CUL3: variants seen among roughly 807,000 people sequenced by gnomAD.
CUL3 encodes cullin-3.
Under a neutral mutation model 89.1 loss-of-function variants are expected in CUL3, and 19 were observed. The ratio of observed to expected loss-of-function variants is 0.21; its 90% CI spans 0.15 to 0.31. The LOEUF (loss-of-function observed/expected upper bound fraction) is 0.31, where lower values mean the gene tolerates loss of function less well. CUL3 is among the 10% of genes least tolerant of loss of function. The probability of loss-of-function intolerance (pLI) is 1.00; values close to 1 mark genes in which losing one functional copy is unlikely to be tolerated. For missense variants in CUL3, 469 were observed against 942.3 expected (o/e 0.50, Z 6.58); for synonymous variants, 351 against 308.4 (o/e 1.14, Z -1.45).
chr2:224,515,742 C>T (rs896660778), intron 3 of CUL3, among the ~76,000 whole-genome samples: 11 of 151,246 alleles, frequency 7.3e-5, no homozygotes, highest in African/African-American at 9.7e-5. Context: ...GTTGTCTGGG[C>T]TGGAGTACAG....
At chr2:224,477,966 C>T (rs1691384686) in intron 15 of CUL3, among the ~76,000 whole-genome samples, 1 of 152,190 alleles carries the variant, frequency 6.6e-6, no homozygotes, top group Non-Finnish European at 1.5e-5. Flanking sequence ...CTTAATACTT[C>T]ATGTGACAAT....
chr2:224,556,597 A>G (rs1435743151), intron 2 of CUL3, among the ~76,000 whole-genome samples: 1 of 152,176 alleles, frequency 6.6e-6, no homozygotes, highest in East Asian at 1.9e-4. Flanking sequence ...GGATCAGAAA[A>G]CAAATTGCTA....
At chr2:224,522,549 T>A (rs1178997303) in intron 3 of CUL3, among the ~76,000 whole-genome samples, 1 of 152,060 alleles carries the variant, frequency 6.6e-6, no homozygotes, top group Non-Finnish European at 1.5e-5. Flanking sequence ...AAGCTCAGAG[T>A]TTCCACCACA....
rs979036647 is a variant in CUL3, at chr2:224,472,664, T to C, written c.*1581A>G. The C allele has an allele frequency of 5.2e-6, 1 of 191,750 alleles. No homozygotes were observed. Among genetic ancestry groups the C allele is most frequent in the Non-Finnish European group, 1.1e-5 (1 of 91,344 alleles). 11.9% of individuals were successfully genotyped at this position (191,750 alleles called of 1,614,324 possible). The stretch of plus-strand genomic sequence containing the variant: ...GAGATAAAGAGCACAAGGCTTGTAA[T>C]TCTACAGTACAGATGGAGACAAAAT... On this transcript the variant is annotated 3_prime_UTR_variant, in exon 16 of 16. Coordinates refer to ENST00000264414, the MANE Select transcript of CUL3 (RefSeq NM_003590.5).
intron 2 of CUL3, among the ~76,000 whole-genome samples, chr2:224,549,964 G>C (rs1309128260): frequency 1.3e-5 from 2 of 152,078 alleles, no homozygotes; most frequent in African/African-American, 4.8e-5. Flanking sequence ...TGTAAGATTA[G>C]AGCTAAGTCT....
intron 3 of CUL3, among the ~76,000 whole-genome samples, chr2:224,525,521 T>C (rs1235236720): frequency 2.6e-5 from 4 of 152,220 alleles, no homozygotes; most frequent in Non-Finnish European, 5.9e-5. Context: ...TTGTTATGTA[T>C]TTGGAAAAAC....
At chr2:224,515,047 G>GT (rs1281706537) in intron 3 of CUL3, among the ~76,000 whole-genome samples, 2 of 152,162 alleles carry the variant, frequency 1.3e-5, no homozygotes, top group East Asian at 1.9e-4. Context: ...AAAAAACAGA[G>GT]TAAAAAAAGG....
At chr2:224,486,282 T>A (rs556255960) in intron 13 of CUL3, among the ~76,000 whole-genome samples, 29 of 152,186 alleles carry the variant, frequency 1.9e-4, no homozygotes, top group African/African-American at 5.8e-4. Flanking sequence ...CTGACAGAAG[T>A]AGGCTTCAGA....
intron 1 of CUL3, among the ~76,000 whole-genome samples, chr2:224,573,926 C>CT (rs1001932401): frequency 2.6e-5 from 4 of 152,152 alleles, no homozygotes; most frequent in Admixed American, 1.3e-4. Context: ...TGTCACTAAT[C>CT]TTACAAGGCA....
At chr2:224,567,194 A>G (rs537612126) in intron 1 of CUL3, among the ~76,000 whole-genome samples, 1 of 152,252 alleles carries the variant, frequency 6.6e-6, no homozygotes, top group African/African-American at 2.4e-5. Flanking sequence ...CACGAAGATG[A>G]TTAGTCACAA....
At chr2:224,505,786 G>A (rs1692576512) in intron 8 of CUL3, 170 bp downstream of exon 8, 3 of 376,310 alleles carry the variant, frequency 8.0e-6, no homozygotes, top group East Asian at 4.4e-5. Flanking sequence ...GTCTAACTAC[G>A]TTTGGGCATG....
intron 2 of CUL3, among the ~76,000 whole-genome samples, chr2:224,554,716 A>C (rs1266830045): frequency 6.6e-6 from 1 of 152,212 alleles, no homozygotes; most frequent in East Asian, 1.9e-4. Flanking sequence ...AGTAAATGCT[A>C]AATAAAAGTT....
At chr2:224,497,102 C>T in intron 12 of CUL3, among the ~76,000 whole-genome samples, 1 of 152,064 alleles carries the variant, frequency 6.6e-6, no homozygotes, top group Non-Finnish European at 1.5e-5. Context: ...GTAAAATTCT[C>T]ATTAAAATCT....
chr2:224,510,832 T>C (rs1692796803), intron 6 of CUL3, among the ~76,000 whole-genome samples: 1 of 152,230 alleles, frequency 6.6e-6, no homozygotes, highest in South Asian at 2.1e-4. Flanking sequence ...CCTTTTCCAT[T>C]CTGTAACTTC....
chr2:224,475,058 C>T (rs1042157802), intron 15 of CUL3, among the ~76,000 whole-genome samples: 1 of 152,098 alleles, frequency 6.6e-6, no homozygotes, highest in African/African-American at 2.4e-5. Context: ...TGCTCTGTTG[C>T]CCAGGCTGGA....
chr2:224,519,569 AAG>A (rs1693186544), intron 3 of CUL3, among the ~76,000 whole-genome samples: 1 of 152,224 alleles, frequency 6.6e-6, no homozygotes, highest in Non-Finnish European at 1.5e-5. Context: ...ATAGATAAAA[AAG>A]AGCTAATAAA....
intron 2 of CUL3, among the ~76,000 whole-genome samples, chr2:224,540,552 A>G (rs548906366): frequency 6.6e-6 from 1 of 152,324 alleles, no homozygotes; most frequent in East Asian, 1.9e-4. Context: ...TATAACATCC[A>G]GGACTAGGAA....
chr2:224,555,186 G>T (rs1355259775), intron 2 of CUL3, among the ~76,000 whole-genome samples: 1 of 151,956 alleles, frequency 6.6e-6, no homozygotes, highest in Non-Finnish European at 1.5e-5. Flanking sequence ...TATCTTCCAA[G>T]GATAAACATT....
intron 4 of CUL3, among the ~76,000 whole-genome samples, chr2:224,514,388 A>G (rs527635074): frequency 3.9e-5 from 6 of 152,352 alleles, no homozygotes; most frequent in South Asian, 2.1e-4. Context: ...GCTGAAAAGC[A>G]TATTAAATAA....
Sources: gnomAD v4.1 joint callset for allele counts (sites outside exome capture counted in the v4.1 genomes callset) on GRCh38, gnomAD v4.1.1 for gene constraint, MANE v1.5 for transcripts, NCBI Gene and HGNC (gene_info 2026-07-23, HGNC 2026-07-21) for gene names.